Variants in HHIPL1 observed in about 807,000 individuals in gnomAD.
HHIPL1 encodes HHIP-like protein 1.
A neutral mutation model predicts 61.8 loss-of-function variants in HHIPL1; 43 were observed. That is an observed-to-expected ratio of 0.70 (90% CI 0.55 to 0.90). The LOEUF is 0.90. Among genes scored for constraint, HHIPL1 ranks in the 40% least tolerant of loss-of-function variants. The pLI, the probability that HHIPL1 is intolerant of heterozygous loss-of-function variation, is 0.00. For synonymous variants in HHIPL1, 482 were observed against 515.8 expected, an observed-to-expected ratio of 0.93 and a Z score of 0.89; for missense variants, 1,056 against 1,157.7, an observed-to-expected ratio of 0.91 and a Z score of 1.28.
chr14:99,611,372 C>A, the HHIPL1 span, among the ~76,000 whole-genome samples: 3 of 151,484 alleles, frequency 2.0e-5, no homozygotes, highest in African/African-American at 7.3e-5. Context: ...CGGCTCACTG[C>A]AACCTCCACC....
chr14:99,607,603 G>A, the HHIPL1 span, among the ~76,000 whole-genome samples: 5 of 152,066 alleles, frequency 3.3e-5, no homozygotes, highest in African/African-American at 9.7e-5. Flanking sequence ...TAGGGCCTGT[G>A]GGGGGAGTAC....
At chr14:99,627,996 G>A in the HHIPL1 span, among the ~76,000 whole-genome samples, 9 of 152,178 alleles carry the variant, frequency 5.9e-5, no homozygotes, top group East Asian at 1.5e-3. This position sits in a 1 kb window ranked among gnomAD's most constrained non-coding sequence, Gnocchi z 4.4. Flanking sequence ...GTTAGGCAGG[G>A]AAGATGCATG....
intron 7 of HHIPL1, among the ~76,000 whole-genome samples, chr14:99,669,793 C>T (rs1286580093): frequency 1.3e-5 from 2 of 152,114 alleles, no homozygotes; most frequent in Non-Finnish European, 2.9e-5. Context: ...GGTGTGCTGG[C>T]GCACATCTAT....
chr14:99,623,724 C>G, the HHIPL1 span, among the ~76,000 whole-genome samples: 1 of 152,078 alleles, frequency 6.6e-6, no homozygotes, highest in Non-Finnish European at 1.5e-5. Context: ...CTGATAGACA[C>G]TCTTGAAGGA....
At chr14:99,671,733 C>T (rs943397881) in intron 7 of HHIPL1, among the ~76,000 whole-genome samples, 8 of 152,224 alleles carry the variant, frequency 5.3e-5, no homozygotes, top group Non-Finnish European at 1.0e-4. Flanking sequence ...TCCCTGCTCT[C>T]TCACACCCCA....
At chr14:99,650,060 C>T (rs1356401600) in intron 1 of HHIPL1, among the ~76,000 whole-genome samples, 2 of 152,252 alleles carry the variant, frequency 1.3e-5, no homozygotes, top group Non-Finnish European at 2.9e-5. Flanking sequence ...CCAAGACATT[C>T]TGCCAAGTGG....
Position 99,659,740 on chromosome 14 carries a change from C to T in HHIPL1, c.1359C>T (p.Cys453=). 1.4e-6 allele frequency: 2 copies of T among 1,439,296 alleles called. No individual in the cohort carries two copies. Among genetic ancestry groups the T allele is most frequent in the South Asian group, 3.0e-5 (2 of 67,262 alleles). The allele number at this position is 1,439,296 out of a possible 1,614,324, so 89.2% of individuals were successfully genotyped here. A position where few individuals can be genotyped will look rare whatever the true frequency, so the allele number is the denominator to read the frequency against. ...EGFECYDRSL[C]ANTSLNDLLP... is the part of the protein sequence containing the mutation. ...TCGAGTGCTACGACCGCAGCCTGTGCGCCAACACCTCTCTCAGTGAGTGCC... is the reference window on the plus strand; with the variant it reads ...TCGAGTGCTACGACCGCAGCCTGTGTGCCAACACCTCTCTCAGTGAGTGCC... Residue 453 remains cysteine, a synonymous_variant, in exon 4 of 9, where the codon TGC becomes TGT. Transcript: ENST00000330710.
intron 7 of HHIPL1, among the ~76,000 whole-genome samples, chr14:99,671,059 G>T (rs1285570847): frequency 1.3e-5 from 2 of 152,130 alleles, no homozygotes; most frequent in Non-Finnish European, 2.9e-5. Flanking sequence ...TGTGTTAGGA[G>T]CCAGAAGTGG....
rs2056383409 is a variant in HHIPL1, at chr14:99,675,653, C to A, written c.*27C>A. On this transcript the variant is annotated 3_prime_UTR_variant, in exon 9 of 9. Coordinates refer to ENST00000330710, the MANE Select transcript of HHIPL1 (RefSeq NM_001127258.3). The surrounding 1 kb of genome is among the most constrained non-coding windows in gnomAD (Gnocchi z 5.4). ...CAACACGCCGCTGCCCCAGGCCATC[C>A]CGCCGGCGGGGGAGCCTGGCAGGGG... 36 of 1,478,562 alleles carry A rather than the reference C, an allele frequency of 2.4e-5. No homozygotes were observed. Among genetic ancestry groups the A allele is most frequent in the Non-Finnish European group, 3.1e-5 (35 of 1,114,778 alleles). 91.6% of individuals were successfully genotyped at this position (1,478,562 alleles called of 1,614,324 possible).
At chr14:99,656,247 G>A (rs1157218624) in intron 2 of HHIPL1, among the ~76,000 whole-genome samples, 2 of 152,182 alleles carry the variant, frequency 1.3e-5, no homozygotes, top group Non-Finnish European at 2.9e-5. Context: ...AATCATAACA[G>A]GGCAGGTGCT....
At chr14:99,607,621 A>C in the HHIPL1 span, among the ~76,000 whole-genome samples, 3 of 152,158 alleles carry the variant, frequency 2.0e-5, no homozygotes, top group Non-Finnish European at 4.4e-5. Context: ...TACTGGTACA[A>C]GCTGGTGACA....
At chr14:99,642,372 T>G (rs752892271), upstream of HHIPL1, among the ~76,000 whole-genome samples, 1 of 152,232 alleles carries the variant, frequency 6.6e-6, no homozygotes, top group South Asian at 2.1e-4. Flanking sequence ...TGTTTGTTTT[T>G]GTAACTTCTG....
chr14:99,655,670 C>T (rs1235534248), intron 2 of HHIPL1, among the ~76,000 whole-genome samples: 2 of 152,064 alleles, frequency 1.3e-5, no homozygotes, highest in Non-Finnish European at 2.9e-5. Flanking sequence ...AGTGACCGAT[C>T]CTGGAAAACC....
chr14:99,654,834 A>G (rs1197044666), intron 2 of HHIPL1, among the ~76,000 whole-genome samples: 3 of 152,240 alleles, frequency 2.0e-5, no homozygotes, highest in Admixed American at 2.0e-4. Flanking sequence ...AAGAGAGACC[A>G]AGTTTATCAC....
rs2056405427 is a variant in HHIPL1 at position 99,677,791 on chromosome 14, C to G, written c.*2165C>G. 6.6e-6 allele frequency: 1 copy of G among 152,190 alleles called. No homozygotes were observed. Among genetic ancestry groups the G allele is most frequent in the African/African-American group, 2.4e-5 (1 of 41,434 alleles). The allele number at this position is 152,190 out of a possible 1,614,324, so 9.4% of individuals were successfully genotyped here. A position where few individuals can be genotyped will look rare whatever the true frequency, so the allele number is the denominator to read the frequency against. ...AGCTCTGGGTGCGGCCTCAGGCCCT[C>G]CAGTACTTCTCTGGGCAGTTCGGGC... On this transcript the variant is annotated 3_prime_UTR_variant, in exon 9 of 9. Coordinates refer to ENST00000330710, the MANE Select transcript of HHIPL1 (RefSeq NM_001127258.3). The surrounding 1 kb of genome is among the most constrained non-coding windows in gnomAD (Gnocchi z 4.3).
At chr14:99,625,437 A>G in the HHIPL1 span, 1 of 152,200 alleles carries the variant, frequency 6.6e-6, no homozygotes, top group Admixed American at 6.5e-5. Context: ...TAGTTGTCGT[A>G]ATTATTATTA....
chr14:99,631,774 G>A, the HHIPL1 span, among the ~76,000 whole-genome samples: 4 of 152,258 alleles, frequency 2.6e-5, no homozygotes, highest in Admixed American at 2.6e-4. Context: ...GCGCCACCAT[G>A]CCCAGCCTTC....
At chr14:99,638,623 A>G in the HHIPL1 span, among the ~76,000 whole-genome samples, 1 of 151,970 alleles carries the variant, frequency 6.6e-6, no homozygotes, top group Non-Finnish European at 1.5e-5. Flanking sequence ...CCTCTTCCCC[A>G]CTCCCACTCA....
At chr14:99,611,511 C>T in the HHIPL1 span, among the ~76,000 whole-genome samples, 4 of 152,050 alleles carry the variant, frequency 2.6e-5, no homozygotes, top group East Asian at 7.7e-4. Flanking sequence ...GTCTCGAACT[C>T]CTGACCTCAG....
Sources: allele counts gnomAD v4.1 joint callset (sites outside exome capture counted in the v4.1 genomes callset), GRCh38; gene constraint gnomAD v4.1.1; non-coding constraint Gnocchi (gnomAD v3.1); transcripts MANE v1.5; gene names NCBI Gene and HGNC (gene_info 2026-07-23, HGNC 2026-07-21).